Variants in MEMO1 observed in about 807,000 individuals in gnomAD.
MEMO1 encodes the protein protein MEMO1.
A neutral mutation model predicts 45.2 loss-of-function variants in MEMO1; 6 were observed. The ratio of observed to expected loss-of-function variants is 0.13; its 90% CI spans 0.07 to 0.26. The LOEUF (loss-of-function observed/expected upper bound fraction) is 0.26. Among genes scored for constraint, MEMO1 ranks in the 10% least tolerant of loss-of-function variants. MEMO1 has a pLI of 1.00. For missense variants in MEMO1, 184 were observed against 370.5 expected (o/e 0.50, Z 4.13); for synonymous variants, 78 against 124.3 (o/e 0.63, Z 2.48).
chr2:31,989,228 C>CAA (rs772035887), intron 2 of MEMO1, among the ~76,000 whole-genome samples: 1,457 of 80,372 alleles, frequency 0.018, 30 homozygotes, highest in African/African-American at 0.059. Context: ...AACTCTGTCT[C>CAA]AAAAAAAAAA....
chr2:31,883,521 G>T, intron 7 of MEMO1, 59 bp from the exon 8 acceptor site: 1 of 1,237,166 alleles, frequency 8.1e-7, no homozygotes, highest in South Asian at 1.5e-5. Context: ...TAAAAAGAAA[G>T]CAAGCGCTTA....
intron 2 of MEMO1, among the ~76,000 whole-genome samples, chr2:31,979,679 T>C (rs1350467183): frequency 1.3e-5 from 2 of 152,068 alleles, no homozygotes; most frequent in Non-Finnish European, 2.9e-5. Flanking sequence ...AAATAAAGTA[T>C]TAAAAAACTG....
chr2:31,957,306 T>C (rs1667523570), intron 2 of MEMO1, among the ~76,000 whole-genome samples: 1 of 152,156 alleles, frequency 6.6e-6, no homozygotes, highest in Non-Finnish European at 1.5e-5. Flanking sequence ...TATGGTGCAA[T>C]CATATAACAG....
chr2:31,886,597 TTAAAA>T (rs1183112750), intron 7 of MEMO1, among the ~76,000 whole-genome samples: 3 of 152,192 alleles, frequency 2.0e-5, no homozygotes, highest in African/African-American at 4.8e-5. Context: ...TATTATTGAC[TTAAAA>T]TAAATTATAT....
intron 4 of MEMO1, among the ~76,000 whole-genome samples, chr2:31,923,957 A>G (rs1215853055): frequency 6.6e-6 from 1 of 152,188 alleles, no homozygotes; most frequent in Non-Finnish European, 1.5e-5. Flanking sequence ...AGATGAAGGA[A>G]AAAGAGCCCC....
At chr2:31,921,092 A>T (rs1364192307) in intron 4 of MEMO1, among the ~76,000 whole-genome samples, 182 bp from the exon 5 acceptor site, 1 of 152,214 alleles carries the variant, frequency 6.6e-6, no homozygotes, top group Non-Finnish European at 1.5e-5. Flanking sequence ...CCAGTAGCAC[A>T]GACTGTAGTG....
intron 2 of MEMO1, among the ~76,000 whole-genome samples, chr2:32,002,039 G>C (rs1474554587): frequency 6.6e-6 from 1 of 150,558 alleles, no homozygotes; most frequent in East Asian, 2.0e-4. Flanking sequence ...CCAGCTACTT[G>C]GGAGGCTGAG....
At position 31,957,795 on chromosome 2, in the gene MEMO1, G is replaced by C. The variant is rs191044964; in HGVS notation, c.62-14412C>G. 1.4e-4 allele frequency among the ~76,000 whole-genome samples: 22 copies of C among 152,316 alleles called. No homozygotes were observed. In the East Asian group the frequency reaches 3.8e-3, roughly 27 times the overall value. On this transcript the variant is annotated intron_variant, in intron 2 of 9. Coordinates refer to ENST00000404530, the MANE Select transcript of MEMO1 (RefSeq NM_001301833.4). ...TTGAGCTATTCTCCACTCTGACTTC[G>C]TCAGCATTTACAGATAATCTAGATA...
Position 31,892,058 on chromosome 2 carries a change from G to C in MEMO1, c.514C>G (p.Leu172Val). 1 of 1,612,588 alleles carries C rather than the reference G, an allele frequency of 6.2e-7. No homozygotes were observed. The change falls in exon 7 of 10, where the codon CTC (leucine) becomes GTC (valine). Residue 172 changes from leucine (L) to valine (V), a missense_variant. Physicochemically the swap from Leu to Val is conservative, Grantham distance 32. Transcript: ENST00000404530. ...SESKEQEFGK[L>V]FSKYLADPSN... ...GGATCCGCTAGATATTTACTGAAGA[G>C]TTTTCCGAATTCCTGTTCTTTTGAC...
chr2:31,951,852 T>C (rs2148363689), intron 2 of MEMO1, among the ~76,000 whole-genome samples: 1 of 152,270 alleles, frequency 6.6e-6, no homozygotes, highest in East Asian at 1.9e-4. Flanking sequence ...TAAAAACAAA[T>C]AACATTTCAG....
rs1049816088 is a variant in MEMO1 at position 32,010,008 on chromosome 2, G to C, written c.61+179C>G. On this transcript the variant is annotated intron_variant, in intron 2 of 9. Coordinates refer to ENST00000404530, the MANE Select transcript of MEMO1 (RefSeq NM_001301833.4). ...GGCGCGGGATGCCCGCCGCCCGGGT[G>C]GGGGAGGCGGCGAGGCCGGCCTCGG... Among the ~76,000 whole-genome samples, 15 of 149,582 alleles carry C rather than the reference G, an allele frequency of 1.0e-4. No individual in the cohort carries two copies. In the East Asian group the frequency reaches 1.2e-3, roughly 12 times the overall value.
chr2:31,955,600 G>C (rs1667325234), intron 2 of MEMO1, among the ~76,000 whole-genome samples: 1 of 151,896 alleles, frequency 6.6e-6, no homozygotes, highest in Admixed American at 6.6e-5. Flanking sequence ...AACTATCCAT[G>C]TTTATTTCTT....
chr2:31,961,275 T>C (rs537202309), intron 2 of MEMO1, among the ~76,000 whole-genome samples: 1 of 152,236 alleles, frequency 6.6e-6, no homozygotes, highest in East Asian at 1.9e-4. Context: ...GGAGAACTGC[T>C]TGAACCTGGG....
chr2:31,943,129 G>A (rs979642998), intron 3 of MEMO1, among the ~76,000 whole-genome samples, 173 bp downstream of exon 3: 2 of 152,122 alleles, frequency 1.3e-5, no homozygotes, highest in South Asian at 2.1e-4. Flanking sequence ...GCCAGGTGTG[G>A]TGGCACACGC....
intron 6 of MEMO1, among the ~76,000 whole-genome samples, chr2:31,902,994 T>C (rs953906868): frequency 1.3e-5 from 2 of 152,150 alleles, no homozygotes; most frequent in African/African-American, 2.4e-5. Flanking sequence ...TATAATTTAA[T>C]TGAAAGTGGT....
At chr2:32,005,642 T>A (rs903666757) in intron 2 of MEMO1, among the ~76,000 whole-genome samples, 8 of 152,040 alleles carry the variant, frequency 5.3e-5, no homozygotes, top group Non-Finnish European at 1.0e-4. Context: ...GATCAGAGAC[T>A]TGAATGGCAG....
chr2:31,936,498 C>T (rs900865552), intron 3 of MEMO1, among the ~76,000 whole-genome samples: 1 of 152,162 alleles, frequency 6.6e-6, no homozygotes, highest in Non-Finnish European at 1.5e-5. Flanking sequence ...CCCTTTACGT[C>T]GGCAAGTCTA....
intron 2 of MEMO1, among the ~76,000 whole-genome samples, chr2:31,962,190 G>A (rs1396402182): frequency 1.3e-5 from 2 of 152,142 alleles, no homozygotes; most frequent in Admixed American, 6.6e-5. Context: ...GTCGAGACCA[G>A]CCTGGGCAAC....
chr2:31,928,121 CTGAAAACCTTTGCTA>C (rs1330485777), intron 4 of MEMO1, among the ~76,000 whole-genome samples: 2 of 152,146 alleles, frequency 1.3e-5, no homozygotes, highest in African/African-American at 2.4e-5. Context: ...AAAACAACAC[CTGAAAACCTTTGCTA>C]CCAATTCTTC....
Sources: gnomAD v4.1 joint callset for allele counts (sites outside exome capture counted in the v4.1 genomes callset) on GRCh38, gnomAD v4.1.1 for gene constraint, MANE v1.5 for transcripts, NCBI Gene and HGNC (gene_info 2026-07-23, HGNC 2026-07-21) for gene names.